Variants in JMJD6 observed in about 807,000 individuals in gnomAD.
The protein encoded by JMJD6 is jumonji domain containing 6, arginine demethylase and lysine hydroxylase, also known as bifunctional arginine demethylase and lysyl-hydroxylase JMJD6.
Under a neutral mutation model 45.8 loss-of-function variants are expected in JMJD6, and 17 were observed. The ratio of observed to expected loss-of-function variants is 0.37; its 90% CI spans 0.25 to 0.56. JMJD6 has a LOEUF of 0.56. Ranked by LOEUF, JMJD6 falls within the 20% of genes least tolerant of loss-of-function variation. The probability of loss-of-function intolerance (pLI) is 0.79; values close to 1 mark genes in which losing one functional copy is unlikely to be tolerated. For missense variants in JMJD6, 470 were observed against 517.5 expected (o/e 0.91, Z 0.89); for synonymous variants, 221 against 196.3 (o/e 1.13, Z -1.05).
chr17:76,715,975 G>A (rs936929171), downstream of JMJD6: 2 of 152,188 alleles, frequency 1.3e-5, no homozygotes, highest in Admixed American at 6.5e-5. Flanking sequence ...CCCATGGTGC[G>A]GAAGAATGGA....
downstream of JMJD6, among the ~76,000 whole-genome samples, chr17:76,717,247 T>C (rs1408127898): frequency 6.6e-6 from 1 of 152,182 alleles, no homozygotes; most frequent in Non-Finnish European, 1.5e-5. Flanking sequence ...AGGGTATCAC[T>C]ATATTCTCCA....
At chr17:76,725,943 G>A in intron 1 of JMJD6, 88 bp from the exon 2 acceptor site, 3 of 1,442,662 alleles carry the variant, frequency 2.1e-6, no homozygotes, top group Non-Finnish European at 2.7e-6. Flanking sequence ...AACTGGTAAT[G>A]ACAAACCGAA....
At chr17:76,723,731 G>A (rs775097810) in intron 3 of JMJD6, 41 bp downstream of exon 3, 47 of 1,592,880 alleles carry the variant, frequency 3.0e-5, no homozygotes, top group Admixed American at 1.5e-4. Flanking sequence ...ATGAACCACC[G>A]CGCCCGGCAA....
downstream of JMJD6, chr17:76,715,700 CCT>C (rs1303661232): frequency 2.0e-5 from 3 of 152,312 alleles, no homozygotes; most frequent in Non-Finnish European, 2.9e-5. Context: ...CTTGACAACC[CCT>C]CTTATTGAAG....
downstream of JMJD6, chr17:76,715,682 C>T (rs1049712773): frequency 3.3e-5 from 5 of 152,222 alleles, no homozygotes. Context: ...CCAAGTGCGC[C>T]CCATGGCCTT....
downstream of JMJD6, among the ~76,000 whole-genome samples, chr17:76,718,061 G>A (rs954785011): frequency 4.0e-5 from 6 of 151,456 alleles, no homozygotes; most frequent in African/African-American, 1.5e-4. Flanking sequence ...TACTTGGGAG[G>A]CTGAGGCAGG....
chr17:76,715,519 C>T (rs1157354560), downstream of JMJD6: 1 of 152,242 alleles, frequency 6.6e-6, no homozygotes, highest in African/African-American at 2.4e-5. Context: ...CTGTATTTTC[C>T]TGGTTACACC....
rs1036467961 is a variant in JMJD6, at chr17:76,722,906, G to A, written c.805+866C>T. Among the ~76,000 whole-genome samples, 36 of 10,926 alleles carry A rather than the reference G, an allele frequency of 3.3e-3. No individual in the cohort carries two copies. In the East Asian group the frequency reaches 0.064, roughly 19 times the overall value. 7.2% of individuals were successfully genotyped at this position (10,926 alleles called of 152,430 possible). ...CAATTTACAGAAACACAAACAAGCC[G>A]CTACACATACACAAACAAAGAAAAG... is the stretch of plus-strand genomic sequence containing the variant. On this transcript the variant is annotated intron_variant, in intron 3 of 5. Coordinates refer to ENST00000397625, the MANE Select transcript of JMJD6 (RefSeq NM_015167.3).
chr17:76,725,406 C>CAAA (rs36106744), intron 2 of JMJD6, 61 bp downstream of exon 2: 20,689 of 940,836 alleles, frequency 0.022, 33 homozygotes, highest in Non-Finnish European at 0.023. Context: ...CGCTCTGTCT[C>CAAA]AAAAAAAAAA....
chr17:76,722,017 T>C, intron 3 of JMJD6, 84 bp from the exon 4 acceptor site: 1 of 1,461,316 alleles, frequency 6.8e-7, no homozygotes, highest in South Asian at 1.2e-5. Flanking sequence ...AATTGGGAAC[T>C]CCTACCCATA....
rs1461920106 is a variant in JMJD6, at chr17:76,720,337, TCAGC to T, written c.1080+19_1080+22del. 2 of 1,611,626 alleles carry T rather than the reference TCAGC, an allele frequency of 1.2e-6. No individual in the cohort carries two copies. The highest frequency in any genetic ancestry group is 3.3e-5 in the Admixed American group (2 of 59,954). ...ACATGAGCCTTGGAGGCTCCAGGAG[TCAGC>T]CAGAGAGCAAGGCCTCACCTCTGAG... On this transcript the variant is annotated intron_variant, in intron 5 of 5. Coordinates refer to ENST00000397625, the MANE Select transcript of JMJD6 (RefSeq NM_015167.3).
chr17:76,726,487 G>C lies in JMJD6; in HGVS notation c.-12C>G. The C allele has an allele frequency of 6.3e-7, 1 of 1,584,448 alleles. No individual in the cohort carries two copies. The highest frequency in any genetic ancestry group is 8.6e-7 in the Non-Finnish European group (1 of 1,166,018). ...CTCTTGTGGTTCATTCTGCGGGGTC[G>C]CCAGCTGGTTCCGCTACGACCTCGG... On this transcript the variant is annotated 5_prime_UTR_variant, in exon 1 of 6. Coordinates refer to ENST00000397625, the MANE Select transcript of JMJD6 (RefSeq NM_015167.3).
At chr17:76,716,536 T>C (rs2076765406), downstream of JMJD6, 5 of 694,372 alleles carry the variant, frequency 7.2e-6, no homozygotes, top group Non-Finnish European at 1.3e-5. Flanking sequence ...AAAACAGCAT[T>C]TGACCGAAGA....
At position 76,718,713 on chromosome 17, in the gene JMJD6, C is replaced by T; in HGVS notation, c.*16G>A. 6.2e-7 allele frequency: 1 copy of T among 1,612,904 alleles called. No individual in the cohort carries two copies. Among genetic ancestry groups the T allele is most frequent in the Non-Finnish European group, 8.5e-7 (1 of 1,179,258 alleles). ...CCGCGAGCGTGTCCTTCCATACAGA[C>T]AACAGCCTTGCTGGGTCACCTGGAG... On this transcript the variant is annotated 3_prime_UTR_variant, in exon 6 of 6. Coordinates refer to ENST00000397625, the MANE Select transcript of JMJD6 (RefSeq NM_015167.3).
chr17:76,721,343 G>T, intron 4 of JMJD6: 1 of 447,264 alleles, frequency 2.2e-6, no homozygotes, highest in Non-Finnish European at 4.6e-6. Context: ...GCCGCTGCCC[G>T]TGCTGTATCT....
At chr17:76,723,677 G>A (rs1352992578) in intron 3 of JMJD6, 95 bp downstream of exon 3, 36 of 1,172,158 alleles carry the variant, frequency 3.1e-5, no homozygotes, top group East Asian at 2.1e-4. Context: ...TCCTGACCTC[G>A]TGATCTGCCC....
chr17:76,725,853 A>G lies in JMJD6; in HGVS notation c.132T>C (p.Asp44=). The change falls in exon 2 of 6, where the codon GAT becomes GAC. Residue 44 remains aspartate (D), a splice_region_variant and synonymous_variant. Transcript: ENST00000397625. ...GTAAAGCATCTGCCCTTTCCACGTT[A>G]TCCTGAGGGAATTAAAAAAGACCTG... ...SFSLSPAAVA[D]NVERADALQL... 5 of 1,589,524 alleles carry G rather than the reference A, an allele frequency of 3.1e-6. No homozygotes were observed. Among genetic ancestry groups the G allele is most frequent in the Non-Finnish European group, 4.3e-6 (5 of 1,172,746 alleles).
chr17:76,717,917 G>A (rs140500578), downstream of JMJD6, among the ~76,000 whole-genome samples: 1,213 of 151,964 alleles, frequency 8.0e-3, 15 homozygotes, highest in African/African-American at 0.028. Flanking sequence ...CTTGAACCTG[G>A]GAGGTAGAGG....
Position 76,726,500 on chromosome 17 carries a change from G to C in JMJD6, c.-25C>G. ...TTCTGCGGGGTCGCCAGCTGGTTCC[G>C]CTACGACCTCGGCGCAGCCCGCTTC... On this transcript the variant is annotated 5_prime_UTR_variant, in exon 1 of 6. Coordinates refer to ENST00000397625, the MANE Select transcript of JMJD6 (RefSeq NM_015167.3). 6.3e-7 allele frequency: 1 copy of C among 1,579,754 alleles called. No individual in the cohort carries two copies. Among genetic ancestry groups the C allele is most frequent in the Non-Finnish European group, 8.6e-7 (1 of 1,163,980 alleles).
Sources: gnomAD v4.1 joint callset for allele counts (sites outside exome capture counted in the v4.1 genomes callset) on GRCh38, gnomAD v4.1.1 for gene constraint, MANE v1.5 for transcripts, NCBI Gene and HGNC (gene_info 2026-07-23, HGNC 2026-07-21) for gene names.